HSPG2: variants seen among roughly 807,000 people sequenced by gnomAD.
The protein encoded by HSPG2 is heparan sulfate proteoglycan 2, also known as basement membrane-specific heparan sulfate proteoglycan core protein.
HSPG2 carries 278 observed loss-of-function variants against 526.6 expected under a neutral mutation model. The observed-to-expected ratio is 0.53, with a 90% CI of 0.48 to 0.58. HSPG2 has a LOEUF of 0.58. HSPG2 is among the 20% of genes least tolerant of loss of function. HSPG2 has a pLI of 0.00. For synonymous variants in HSPG2, 2,465 were observed against 2,555.4 expected, an observed-to-expected ratio of 0.96 and a Z score of 1.07; for missense variants, 5,354 against 6,099.5, an observed-to-expected ratio of 0.88 and a Z score of 4.07.
At chr1:21,875,145 T>A in intron 25 of HSPG2, 143 bp from the exon 26 acceptor site, 1 of 699,780 alleles carries the variant, frequency 1.4e-6, no homozygotes, top group Non-Finnish European at 2.6e-6. Context: ...CTCCAGAGGC[T>A]GCGAGGACCG....
intron 65 of HSPG2, 23 bp from the exon 66 acceptor site, chr1:21,843,461 G>C: frequency 6.2e-7 from 1 of 1,601,960 alleles, no homozygotes; most frequent in Non-Finnish European, 8.5e-7. Context: ...GGGTGAGAGC[G>C]GGGAGGGTGA....
At position 21,878,503 on chromosome 1, in the gene HSPG2, AG is replaced by A. The variant is rs1557770223; in HGVS notation, c.2559-13del. The A allele has an allele frequency of 6.2e-7, 1 of 1,613,154 alleles. No homozygotes were observed. Among genetic ancestry groups the A allele is most frequent in the Non-Finnish European group, 8.5e-7 (1 of 1,179,658 alleles). On this transcript the variant is annotated splice_polypyrimidine_tract_variant and intron_variant, in intron 19 of 96. Transcript: ENST00000374695. ...ATCCGGGGGCACAGCTAGGGGAGAG[AG>A]GGGGCCGCCATCAGCACTTCCATGA...
At chr1:21,892,941 G>A (rs985677129) in intron 3 of HSPG2, among the ~76,000 whole-genome samples, 1 of 152,070 alleles carries the variant, frequency 6.6e-6, no homozygotes, top group African/African-American at 2.4e-5. Flanking sequence ...AGCCAGCAGG[G>A]GCGAGGCTGC....
intron 52 of HSPG2, 38 bp from the exon 53 acceptor site, chr1:21,852,271 T>G (rs773754041): frequency 1.2e-6 from 2 of 1,613,326 alleles, no homozygotes; most frequent in Admixed American, 3.3e-5. Context: ...TTGTAGATGC[T>G]CCTGAGATGA....
Position 21,893,836 on chromosome 1 carries a change from A to G in HSPG2, c.244+2086T>C, listed in dbSNP as rs1048928289. ...GGGGCGGGGGAGAATGAGAGAGAAAAGGTAAGACAAAGGTGAAGAAAAAGG... is the reference window on the plus strand; with the variant it reads ...GGGGCGGGGGAGAATGAGAGAGAAAGGGTAAGACAAAGGTGAAGAAAAAGG... On this transcript the variant is annotated intron_variant, in intron 3 of 96. Transcript: ENST00000374695. The surrounding 1 kb of genome is among the most constrained non-coding windows in gnomAD (Gnocchi z 4.3). Among the ~76,000 whole-genome samples the G allele has an allele frequency of 2.0e-5, 3 of 151,758 alleles. No individual in the cohort carries two copies. The highest frequency in any genetic ancestry group is 4.4e-5 in the Non-Finnish European group (3 of 67,892).
At chr1:21,833,010 G>T (rs971342111) in intron 80 of HSPG2, 2 of 582,088 alleles carry the variant, frequency 3.4e-6, no homozygotes, top group African/African-American at 1.9e-5. Flanking sequence ...GGGACAGGAG[G>T]ACTGGGGGTG....
At chr1:21,841,964 G>T in intron 69 of HSPG2, 38 bp downstream of exon 69, 1 of 1,610,816 alleles carries the variant, frequency 6.2e-7, no homozygotes, top group East Asian at 2.2e-5. Flanking sequence ...CCCCATGCCT[G>T]CCCCCAGCTT....
intron 1 of HSPG2, among the ~76,000 whole-genome samples, chr1:21,929,053 G>A (rs771092420): frequency 6.6e-6 from 1 of 152,132 alleles, no homozygotes; most frequent in Non-Finnish European, 1.5e-5. Flanking sequence ...GAGCCACTGT[G>A]CCCAGCCTCA....
At chr1:21,913,421 A>G (rs1417289940) in intron 1 of HSPG2, among the ~76,000 whole-genome samples, 2 of 152,192 alleles carry the variant, frequency 1.3e-5, no homozygotes, top group African/African-American at 4.8e-5. Flanking sequence ...GACTCGGGTT[A>G]CCGGAAATGG....
In HSPG2 at chr1:21,887,735, C is replaced by T; in HGVS notation, c.704-61G>A. ...AGATGGCTCCTCACCTGCTCCTTGT[C>T]CCCAACCCTCCCCAGGCCCACCCTG... On this transcript the variant is annotated intron_variant, in intron 7 of 96. Coordinates refer to ENST00000374695, the MANE Select transcript of HSPG2 (RefSeq NM_005529.7). The surrounding 1 kb of genome is among the most constrained non-coding windows in gnomAD (Gnocchi z 5.0). 1 of 1,608,646 alleles carries T rather than the reference C, an allele frequency of 6.2e-7. No individual in the cohort carries two copies. The highest frequency in any genetic ancestry group is 1.7e-4 in the Middle Eastern group (1 of 5,802).
intron 1 of HSPG2, among the ~76,000 whole-genome samples, chr1:21,919,442 A>AC (rs1643971265): frequency 6.6e-6 from 1 of 151,100 alleles, no homozygotes; most frequent in Non-Finnish European, 1.5e-5. Flanking sequence ...AAAAAAAAAA[A>AC]GTCTCAAAAG....
chr1:21,851,388 C>T, intron 55 of HSPG2, 158 bp downstream of exon 55: 1 of 1,021,436 alleles, frequency 9.8e-7, no homozygotes. Flanking sequence ...CCAGGTTAGT[C>T]AGTCCTAGAT....
chr1:21,851,765 C>T, intron 54 of HSPG2, 26 bp downstream of exon 54: 1 of 1,614,030 alleles, frequency 6.2e-7, no homozygotes, highest in Non-Finnish European at 8.5e-7. Flanking sequence ...CTCTGCATCC[C>T]AGCCCAGCCT....
chr1:21,848,818 G>T lies in HSPG2; in HGVS notation c.7586-24C>A. The T allele has an allele frequency of 1.2e-6, 2 of 1,613,448 alleles. No individual in the cohort carries two copies. The highest frequency in any genetic ancestry group is 1.1e-5 in the South Asian group (1 of 91,082). ...GGCTGGGAGGGTGAGATGTAAGGCA[G>T]GGTGTGGGAGCTGCTGAGGGTGCAG... On this transcript the variant is annotated intron_variant, in intron 58 of 96. Coordinates refer to ENST00000374695, the MANE Select transcript of HSPG2 (RefSeq NM_005529.7). The surrounding 1 kb of genome is among the most constrained non-coding windows in gnomAD (Gnocchi z 4.9).
chr1:21,937,280 G>A lies in HSPG2; in HGVS notation c.-63C>T, dbSNP rs935563313. ...CGCCGCCCGCTCCGCGCCGCCCGCA[G>A]CCGCCCGCTCGCCGGCCAGCTCGGG... is the stretch of plus-strand genomic sequence containing the variant. On this transcript the variant is annotated 5_prime_UTR_variant, in exon 1 of 97. Coordinates refer to ENST00000374695, the MANE Select transcript of HSPG2 (RefSeq NM_005529.7). 13 of 580,740 alleles carry A rather than the reference G, an allele frequency of 2.2e-5. No homozygotes were observed. The highest frequency in any genetic ancestry group is 2.7e-5 in the Non-Finnish European group (13 of 474,122). 36.0% of individuals were successfully genotyped at this position (580,740 alleles called of 1,614,324 possible). A position where few individuals can be genotyped will look rare whatever the true frequency, so the allele number is the denominator to read the frequency against.
At chr1:21,841,745 G>A (rs2098049378) in intron 69 of HSPG2, 72 bp from the exon 70 acceptor site, 3 of 1,584,910 alleles carry the variant, frequency 1.9e-6, no homozygotes, top group Admixed American at 1.7e-5. Context: ...CTGCCAGCCT[G>A]TGCCCCTGGG....
intron 1 of HSPG2, among the ~76,000 whole-genome samples, chr1:21,909,075 T>C (rs1643529359): frequency 6.6e-6 from 1 of 152,116 alleles, no homozygotes; most frequent in Non-Finnish European, 1.5e-5. Context: ...GCCATTGCAC[T>C]CCAGCCTGGG....
At position 21,848,775 on chromosome 1, in the gene HSPG2, G is replaced by A. The variant is rs200291517; in HGVS notation, c.7605C>T (p.Pro2535=). Residue 2535 remains proline, a synonymous_variant, in exon 59 of 97, where the codon CCC becomes CCT. Coordinates refer to ENST00000374695, the MANE Select transcript of HSPG2 (RefSeq NM_005529.7). This position sits in a 1 kb window ranked among gnomAD's most constrained non-coding sequence, Gnocchi z 4.9. ...AGGCTGAGGAGGACTCGATGCGGAC[G>A]GGGTACGCCACACCCTGGGCTGGGA... ...SGSHSQGVAY[P]VRIESSSASL... 24 of 1,613,796 alleles carry A rather than the reference G, an allele frequency of 1.5e-5. No homozygotes were observed. Among genetic ancestry groups the A allele is most frequent in the Middle Eastern group, 3.3e-4 (2 of 6,062 alleles).
chr1:21,832,254 CATGAATGA>C (rs527580898), intron 81 of HSPG2, among the ~76,000 whole-genome samples: 1 of 148,890 alleles, frequency 6.7e-6, no homozygotes, highest in Admixed American at 6.6e-5. Flanking sequence ...TGCATGCATG[CATGAATGA>C]ATGAATGAAT....
Sources: gnomAD v4.1 joint callset for allele counts (sites outside exome capture counted in the v4.1 genomes callset) on GRCh38, gnomAD v4.1.1 for gene constraint, Gnocchi (gnomAD v3.1) non-coding constraint, MANE v1.5 for transcripts, NCBI Gene and HGNC (gene_info 2026-07-23, HGNC 2026-07-21) for gene names.